Variants in GSK3B observed in about 807,000 individuals in gnomAD.
GSK3B encodes the protein glycogen synthase kinase-3 beta.
GSK3B carries 15 observed loss-of-function variants against 56.4 expected under a neutral mutation model. That is an observed-to-expected ratio of 0.27 (90% CI 0.18 to 0.41). The LOEUF is 0.41. GSK3B is among the 10% of genes least tolerant of loss of function. The pLI, the probability that GSK3B is intolerant of heterozygous loss-of-function variation, is 1.00. For missense variants in GSK3B, 300 were observed against 513.4 expected (o/e 0.58, Z 4.02); for synonymous variants, 181 against 188.9 (o/e 0.96, Z 0.34).
At chr3:120,048,274 A>G (rs569747712) in intron 1 of GSK3B, among the ~76,000 whole-genome samples, 36 of 152,324 alleles carry the variant, frequency 2.4e-4, no homozygotes, top group African/African-American at 8.4e-4. Context: ...TTAAAAATAA[A>G]CCTACCTTTA....
At chr3:119,883,364 A>T (rs1321835382) in intron 7 of GSK3B, among the ~76,000 whole-genome samples, 4 of 152,166 alleles carry the variant, frequency 2.6e-5, no homozygotes, top group Non-Finnish European at 5.9e-5. Context: ...TGATAAACCA[A>T]TTAAAACAAA....
intron 1 of GSK3B, among the ~76,000 whole-genome samples, chr3:120,063,420 C>T (rs1409982254): frequency 1.3e-5 from 2 of 151,914 alleles, no homozygotes; most frequent in African/African-American, 4.8e-5. Context: ...CAATATGGAA[C>T]TGTTTACATA....
At chr3:120,004,404 A>T (rs144992575) in intron 1 of GSK3B, among the ~76,000 whole-genome samples, 238 of 152,330 alleles carry the variant, frequency 1.6e-3, no homozygotes, top group African/African-American at 5.5e-3. Context: ...ACAGCTCTGA[A>T]GACAGCAATG....
chr3:120,081,453 A>T (rs2058419122), intron 1 of GSK3B, among the ~76,000 whole-genome samples: 1 of 152,176 alleles, frequency 6.6e-6, no homozygotes, highest in South Asian at 2.1e-4. Flanking sequence ...AGGCTGAGGC[A>T]GGAGAATCGC....
intron 1 of GSK3B, among the ~76,000 whole-genome samples, chr3:120,006,138 T>C (rs1432089003): frequency 4.6e-5 from 7 of 152,140 alleles, no homozygotes; most frequent in Admixed American, 3.9e-4. Flanking sequence ...AAATAGACTT[T>C]AAACCAACGA....
chr3:119,969,051 G>A (rs1333844366), intron 2 of GSK3B, among the ~76,000 whole-genome samples: 1 of 152,150 alleles, frequency 6.6e-6, no homozygotes, highest in East Asian at 1.9e-4. Flanking sequence ...CAGCACTTGG[G>A]GAGGCGGAGG....
chr3:119,862,361 C>A (rs2108032208), intron 9 of GSK3B, among the ~76,000 whole-genome samples: 1 of 101,884 alleles, frequency 9.8e-6, no homozygotes, highest in African/African-American at 3.8e-5. Context: ...ATATCACACT[C>A]TGGGGACTGT....
intron 1 of GSK3B, among the ~76,000 whole-genome samples, chr3:120,058,526 T>C (rs1415837739): frequency 6.6e-6 from 1 of 152,060 alleles, no homozygotes; most frequent in Non-Finnish European, 1.5e-5. Context: ...CATCTCAAGA[T>C]GCAGTAATCT....
Position 120,010,940 on chromosome 3 carries a change from C to T in GSK3B, c.89-8701G>A, listed in dbSNP as rs545910847. 2.2e-4 allele frequency among the ~76,000 whole-genome samples: 34 copies of T among 152,206 alleles called. No homozygotes were observed. In the South Asian group the frequency reaches 4.8e-3, roughly 21 times the overall value. On this transcript the variant is annotated intron_variant, in intron 1 of 10. Transcript: ENST00000264235. ...AAAATTAGCCAAACACAGTGATGCA[C>T]ACATGTAATCCCAGCTACAAGGGAG...
At chr3:120,004,234 A>C (rs1238093109) in intron 1 of GSK3B, among the ~76,000 whole-genome samples, 1 of 152,188 alleles carries the variant, frequency 6.6e-6, no homozygotes. Flanking sequence ...AGGCAGTTCT[A>C]TGCTCACAGT....
intron 10 of GSK3B, among the ~76,000 whole-genome samples, chr3:119,842,626 GTTTATT>G (rs2055790687): frequency 1.3e-5 from 2 of 152,052 alleles, no homozygotes; most frequent in Admixed American, 6.5e-5. Flanking sequence ...GATTTTTTAA[GTTTATT>G]TTTATTTTTT....
intron 1 of GSK3B, among the ~76,000 whole-genome samples, chr3:120,017,626 C>T (rs1383481082): frequency 2.0e-5 from 3 of 151,984 alleles, no homozygotes; most frequent in Non-Finnish European, 4.4e-5. Flanking sequence ...TCAAAAATTG[C>T]TGTTGAATTA....
chr3:119,862,183 A>T (rs2056113439), intron 9 of GSK3B, among the ~76,000 whole-genome samples: 1 of 150,454 alleles, frequency 6.6e-6, no homozygotes, highest in Admixed American at 6.6e-5. Flanking sequence ...ACCATGGAAT[A>T]CTATGCAGCC....
intron 2 of GSK3B, among the ~76,000 whole-genome samples, chr3:119,962,178 C>T (rs2057278442): frequency 6.6e-6 from 1 of 152,068 alleles, no homozygotes; most frequent in African/African-American, 2.4e-5. Flanking sequence ...GAGTTCGAGA[C>T]CAGCCTGACC....
intron 1 of GSK3B, among the ~76,000 whole-genome samples, chr3:120,070,422 T>C (rs2058317592): frequency 6.6e-6 from 1 of 151,894 alleles, no homozygotes; most frequent in Non-Finnish European, 1.5e-5. Context: ...TGCTTCACAA[T>C]CACTCAGAAA....
At chr3:119,949,724 C>T in intron 2 of GSK3B, among the ~76,000 whole-genome samples, 1 of 148,526 alleles carries the variant, frequency 6.7e-6, no homozygotes. Flanking sequence ...TCATTTGAAC[C>T]CAGGAGGTGG....
Position 119,826,502 on chromosome 3 carries a change from T to C in GSK3B, c.*286A>G, listed in dbSNP as rs558063028. On this transcript the variant is annotated 3_prime_UTR_variant, in exon 11 of 11. Transcript: ENST00000264235. Reference sequence around the variant, plus strand: ...ACAGCAGACTTTTAATAAAAAAAGATTGTCGTGGGAGAGAGATTGTATGTT... The same window carrying C: ...ACAGCAGACTTTTAATAAAAAAAGACTGTCGTGGGAGAGAGATTGTATGTT... The C allele has an allele frequency of 3.3e-4, 177 of 536,908 alleles. 1 individual carries two copies. Among genetic ancestry groups the C allele is most frequent in the South Asian group, 1.7e-3 (81 of 48,860 alleles). 33.3% of individuals were successfully genotyped at this position (536,908 alleles called of 1,614,324 possible).
intron 3 of GSK3B, among the ~76,000 whole-genome samples, chr3:119,940,834 ACT>A (rs1362137388): frequency 6.6e-6 from 1 of 151,908 alleles, no homozygotes; most frequent in African/African-American, 2.4e-5. Flanking sequence ...GGTTTAAATC[ACT>A]CTATGGGCAG....
chr3:119,971,689 G>A (rs955023137), intron 2 of GSK3B, among the ~76,000 whole-genome samples: 72 of 124,624 alleles, frequency 5.8e-4, no homozygotes, highest in African/African-American at 1.8e-3. Flanking sequence ...TCGGCTCACT[G>A]CAAGCTCCGC....
Sources: allele counts gnomAD v4.1 joint callset (sites outside exome capture counted in the v4.1 genomes callset), GRCh38; gene constraint gnomAD v4.1.1; transcripts MANE v1.5; gene names NCBI Gene and HGNC (gene_info 2026-07-23, HGNC 2026-07-21).